SLC1A7: variants seen among roughly 807,000 people sequenced by gnomAD.
SLC1A7 encodes excitatory amino acid transporter 5.
In SLC1A7, 40 loss-of-function variants were observed where a neutral mutation model predicts 47.7. The ratio of observed to expected loss-of-function variants is 0.84; its 90% CI spans 0.65 to 1.09. SLC1A7 has a LOEUF of 1.09. SLC1A7 is among the 50% of genes least tolerant of loss of function. The pLI is 0.00. For missense variants in SLC1A7, 746 were observed against 769.5 expected, an observed-to-expected ratio of 0.97 and a Z score of 0.36; for synonymous variants, 323 against 325.6, an observed-to-expected ratio of 0.99 and a Z score of 0.09.
At chr1:53,120,790 CG>C (rs1644811779) in intron 2 of SLC1A7, among the ~76,000 whole-genome samples, 3 of 152,238 alleles carry the variant, frequency 2.0e-5, no homozygotes, top group Admixed American at 2.0e-4. Flanking sequence ...CACGGAGTGC[CG>C]GGAGCCCAGT....
chr1:53,091,650 G>A (rs115878116), intron 7 of SLC1A7, among the ~76,000 whole-genome samples: 2,979 of 152,310 alleles, frequency 0.02, 92 homozygotes, highest in African/African-American at 0.063. Context: ...TCTGCTGCCA[G>A]GGGTGGGTGT....
intron 2 of SLC1A7, among the ~76,000 whole-genome samples, chr1:53,121,404 A>G (rs148119199): frequency 2.4e-4 from 37 of 152,362 alleles, no homozygotes; most frequent in Non-Finnish European, 4.0e-4. Context: ...ACATCGAGAC[A>G]GTTGGCACCA....
intron 1 of SLC1A7, among the ~76,000 whole-genome samples, chr1:53,134,747 G>A (rs934659638): frequency 1.3e-5 from 2 of 152,192 alleles, no homozygotes; most frequent in Admixed American, 1.3e-4. Flanking sequence ...GACAGGTTCC[G>A]AGACCGCCAG....
intron 3 of SLC1A7, among the ~76,000 whole-genome samples, chr1:53,111,881 C>G (rs1449597406): frequency 3.3e-5 from 5 of 152,208 alleles, no homozygotes; most frequent in African/African-American, 4.8e-5. Flanking sequence ...GGATCTCTTT[C>G]TGGCTCCAGA....
chr1:53,092,861 C>G, intron 6 of SLC1A7, 74 bp from the exon 7 acceptor site: 1 of 981,920 alleles, frequency 1.0e-6, no homozygotes, highest in Non-Finnish European at 1.6e-6. Context: ...CGCATCGCTG[C>G]GCGGCCTTCC....
At chr1:53,093,973 G>A (rs1162213584) in intron 5 of SLC1A7, among the ~76,000 whole-genome samples, 5 of 152,156 alleles carry the variant, frequency 3.3e-5, no homozygotes, top group Non-Finnish European at 5.9e-5. Flanking sequence ...GTTTCTGGAA[G>A]GAGGGAGTCC....
At chr1:53,131,093 A>G (rs1393586723) in intron 2 of SLC1A7, among the ~76,000 whole-genome samples, 1 of 152,194 alleles carries the variant, frequency 6.6e-6, no homozygotes, top group African/African-American at 2.4e-5. Flanking sequence ...AAACAAATGA[A>G]ATGTATGAAC....
chr1:53,107,355 A>T (rs1047760272), intron 3 of SLC1A7, among the ~76,000 whole-genome samples: 68 of 152,154 alleles, frequency 4.5e-4, no homozygotes, highest in African/African-American at 1.6e-3. Flanking sequence ...GCAACAGAGA[A>T]AAAGGACATT....
Position 53,114,750 on chromosome 1 carries a change from A to G in SLC1A7, c.431+8T>C. 2.5e-6 allele frequency: 4 copies of G among 1,612,096 alleles called. No individual in the cohort carries two copies. The highest frequency in any genetic ancestry group is 2.5e-6 in the Non-Finnish European group (3 of 1,178,686). On this transcript the variant is annotated splice_region_variant and intron_variant, in intron 3 of 10. Transcript: ENST00000371494. ...GTTCCCAAGCGGGGTGTGGGTGGCA[A>G]TAGTTACCGGATGAGGTCCAACAGG...
rs1257920854 is a variant in SLC1A7 at position 53,142,416 on chromosome 1, C to A, written c.34G>T (p.Asp12Tyr). The A allele has an allele frequency of 6.2e-7, 1 of 1,612,216 alleles. No individual in the cohort carries two copies. Among genetic ancestry groups the A allele is most frequent in the African/African-American group, 1.3e-5 (1 of 74,894 alleles). The change falls in exon 1 of 11, where the codon GAC becomes TAC. Residue 12 changes from aspartate to tyrosine, a missense_variant. Physicochemically the swap from Asp to Tyr is radical, Grantham distance 160. Coordinates refer to ENST00000371494, the MANE Select transcript of SLC1A7 (RefSeq NM_006671.6). Reference sequence around the variant, plus strand: ...AGGAGTCCATTCCGCCTGCACACGTCCCTCCCCCGTGCCAAGATGGCATGC... The same window carrying A: ...AGGAGTCCATTCCGCCTGCACACGTACCTCCCCCGTGCCAAGATGGCATGC... ...VPHAILARGR[D>Y]VCRRNGLLIL...
intron 2 of SLC1A7, chr1:53,118,256 C>G (rs1644783442): frequency 6.6e-6 from 1 of 152,268 alleles, no homozygotes; most frequent in African/African-American, 2.4e-5. Flanking sequence ...AGCTGGTGCC[C>G]AGTGGTGGTG....
intron 2 of SLC1A7, among the ~76,000 whole-genome samples, chr1:53,128,258 C>G (rs1679963): frequency 6.6e-6 from 1 of 151,934 alleles, no homozygotes; most frequent in South Asian, 2.1e-4. Flanking sequence ...GAGGATGCCT[C>G]GAGCCCAGGA....
intron 5 of SLC1A7, among the ~76,000 whole-genome samples, chr1:53,096,186 C>G (rs774476502): frequency 6.6e-6 from 1 of 151,118 alleles, no homozygotes; most frequent in African/African-American, 2.4e-5. Flanking sequence ...CACCCACATG[C>G]CCCACGTTGT....
chr1:53,087,799 G>C lies in SLC1A7; in HGVS notation c.*210C>G. Reference sequence around the variant, plus strand: ...ACAGCGGGGCCTCAGGCAATGCCGGGCCCATCACTCCCTAGATGGGGCTCC... The same window carrying C: ...ACAGCGGGGCCTCAGGCAATGCCGGCCCCATCACTCCCTAGATGGGGCTCC... On this transcript the variant is annotated 3_prime_UTR_variant, in exon 11 of 11. Coordinates refer to ENST00000371494, the MANE Select transcript of SLC1A7 (RefSeq NM_006671.6). The C allele has an allele frequency of 2.6e-6, 1 of 381,988 alleles. No individual in the cohort carries two copies. The highest frequency in any genetic ancestry group is 3.7e-5 in the East Asian group (1 of 26,784). The allele number at this position is 381,988 out of a possible 1,614,324, so 23.7% of individuals were successfully genotyped here. A position where few individuals can be genotyped will look rare whatever the true frequency, so the allele number is the denominator to read the frequency against.
At chr1:53,113,040 C>A (rs1644716854) in intron 3 of SLC1A7, among the ~76,000 whole-genome samples, 1 of 152,180 alleles carries the variant, frequency 6.6e-6, no homozygotes, top group African/African-American at 2.4e-5. Flanking sequence ...CACCACGACC[C>A]TCTTCCCACT....
chr1:53,126,507 C>A (rs1237007082), intron 2 of SLC1A7, among the ~76,000 whole-genome samples: 2 of 152,198 alleles, frequency 1.3e-5, no homozygotes, highest in Non-Finnish European at 2.9e-5. Flanking sequence ...TACCCACCAG[C>A]AAGCAGATTT....
Position 53,088,210 on chromosome 1 carries a change from C to G in SLC1A7, c.1482G>C (p.Glu494Asp), listed in dbSNP as rs1349709541. Residue 494 changes from glutamate (E) to aspartate (D), a missense_variant, in exon 11 of 11, where the codon GAG becomes GAC. Coordinates refer to ENST00000371494, the MANE Select transcript of SLC1A7 (RefSeq NM_006671.6). ...DTGTEKLLPC[E>D]TKPVSLQEIV... ...TCTCCTGGAGGCTCACTGGCTTGGT[C>G]TCGCAGGGCAGCAGTTTCTGGTGAA... 6.2e-7 allele frequency: 1 copy of G among 1,609,860 alleles called. No individual in the cohort carries two copies. Among genetic ancestry groups the G allele is most frequent in the Admixed American group, 1.7e-5 (1 of 59,720 alleles).
At chr1:53,091,219 G>C (rs1644417986) in intron 7 of SLC1A7, among the ~76,000 whole-genome samples, 1 of 152,252 alleles carries the variant, frequency 6.6e-6, no homozygotes, top group Non-Finnish European at 1.5e-5. Flanking sequence ...GCTACTAGGA[G>C]GATTAAACGA....
At chr1:53,098,311 ACACTC>A (rs1644524701) in intron 5 of SLC1A7, among the ~76,000 whole-genome samples, 1 of 142,076 alleles carries the variant, frequency 7.0e-6, no homozygotes, top group Admixed American at 7.0e-5. Flanking sequence ...GTACACACAC[ACACTC>A]CACTCGTACC....
Sources: gnomAD v4.1 joint callset for allele counts (sites outside exome capture counted in the v4.1 genomes callset) on GRCh38, gnomAD v4.1.1 for gene constraint, MANE v1.5 for transcripts, NCBI Gene and HGNC (gene_info 2026-07-23, HGNC 2026-07-21) for gene names.